Variants in CLEC19A observed in about 807,000 individuals in gnomAD.
CLEC19A encodes C-type lectin domain family 19 member A.
A neutral mutation model predicts 26.1 loss-of-function variants in CLEC19A; 21 were observed. The observed-to-expected ratio is 0.80, with a 90% confidence interval of 0.57 to 1.16. CLEC19A has a LOEUF of 1.16. CLEC19A is among the 50% of genes most tolerant of loss of function. CLEC19A has a pLI of 0.00. For missense variants in CLEC19A, 224 were observed against 227.6 expected, an observed-to-expected ratio of 0.98 and a Z score of 0.10; for synonymous variants, 89 against 88.6, an observed-to-expected ratio of 1.00 and a Z score of -0.03.
intron 4 of CLEC19A, among the ~76,000 whole-genome samples, chr16:19,308,417 T>A (rs1294897398): frequency 6.6e-6 from 1 of 152,182 alleles, no homozygotes; most frequent in East Asian, 1.9e-4. Flanking sequence ...CACAGGTTAA[T>A]GTGAATAAAA....
intron 2 of CLEC19A, 175 bp from the exon 3 acceptor site, chr16:19,303,887 G>T: frequency 1.8e-6 from 1 of 559,696 alleles, no homozygotes; most frequent in Non-Finnish European, 3.2e-6. Flanking sequence ...ATCCAGAGAT[G>T]CCCATGTAGG....
Position 19,298,708 on chromosome 16 carries a change from C to T in CLEC19A, c.124C>T (p.Leu42=). The change falls in exon 2 of 5, where the codon CTG becomes TTG. Residue 42 remains leucine (L), a synonymous_variant. Transcript: ENST00000636231. ...PELPLPSLCP[L]FWMEFKGHCY... is the part of the protein sequence containing the mutation. ...GCTGCCCCTGCCTTCCCTGTGCCCC[C>T]TGTTCTGGATGGAGTTCAAAGGCCA... 6.4e-7 allele frequency: 1 copy of T among 1,551,222 alleles called. No homozygotes were observed.
intron 3 of CLEC19A, chr16:19,304,364 G>A (rs1897904992): frequency 4.9e-6 from 2 of 411,902 alleles, no homozygotes; most frequent in Non-Finnish European, 8.8e-6. Context: ...AGATAGCATG[G>A]TCAGAGAAAA....
At chr16:19,298,868 C>T in intron 2 of CLEC19A, 30 bp downstream of exon 2, 1 of 1,532,078 alleles carries the variant, frequency 6.5e-7, no homozygotes, top group Non-Finnish European at 8.8e-7. Context: ...CCCCATAGTT[C>T]AACTAAGCAC....
chr16:19,298,638 A>G lies in CLEC19A; in HGVS notation c.89-35A>G, dbSNP rs565758524. Reference sequence around the variant, plus strand: ...TATGGAAACAATGTCAGCACTGCCAACCTTCCTCCCAGTCTGTTTCCTTTC... The same window carrying G: ...TATGGAAACAATGTCAGCACTGCCAGCCTTCCTCCCAGTCTGTTTCCTTTC... On this transcript the variant is annotated intron_variant, in intron 1 of 4. Coordinates refer to ENST00000636231, the MANE Select transcript of CLEC19A (RefSeq NM_001256720.2). The G allele has an allele frequency of 5.8e-6, 9 of 1,547,288 alleles. No individual in the cohort carries two copies. The African/African-American group carries it at 8.2e-5, about 14-fold the overall frequency.
rs1275872828 is a variant in CLEC19A, at chr16:19,304,107, T to A, written c.300T>A (p.Val100=). The change falls in exon 3 of 5, where the codon GTT becomes GTA. Residue 100 remains valine, a synonymous_variant. Coordinates refer to ENST00000636231, the MANE Select transcript of CLEC19A (RefSeq NM_001256720.2). ...VFVYDLVNSC[V]PGIPADVWTG... ...TATATGACCTCGTGAACAGCTGTGTTCCCGGCATCCCAGCTGACGTCTGGA... is the reference window on the plus strand; with the variant it reads ...TATATGACCTCGTGAACAGCTGTGTACCCGGCATCCCAGCTGACGTCTGGA... 1.4e-5 allele frequency: 21 copies of A among 1,550,580 alleles called. No homozygotes were observed. Among genetic ancestry groups the A allele is most frequent in the Non-Finnish European group, 1.8e-5 (21 of 1,146,968 alleles).
At chr16:19,308,799 A>G (rs1898008052) in intron 4 of CLEC19A, among the ~76,000 whole-genome samples, 1 of 152,188 alleles carries the variant, frequency 6.6e-6, no homozygotes, top group Admixed American at 6.6e-5. Context: ...GCTGAAGTTC[A>G]TCCTCCCATC....
Position 19,298,897 on chromosome 16 carries a change from G to A in CLEC19A, c.254+59G>A, listed in dbSNP as rs201226053. The A allele has an allele frequency of 1.8e-3, 2,554 of 1,454,368 alleles. 2 individuals carry two copies. The highest frequency in any genetic ancestry group is 2.2e-3 in the Non-Finnish European group (2,344 of 1,088,326). 90.1% of individuals were successfully genotyped at this position (1,454,368 alleles called of 1,614,324 possible). On this transcript the variant is annotated intron_variant, in intron 2 of 4. Transcript: ENST00000636231. ...TAAGCACCCCCTTGGGAAATGGGGT[G>A]GAGAATGGTATTTCCAACTGGCATT... is the stretch of plus-strand genomic sequence containing the variant.
chr16:19,300,998 A>G (rs1371710893), intron 2 of CLEC19A, among the ~76,000 whole-genome samples: 5 of 152,244 alleles, frequency 3.3e-5, no homozygotes, highest in Admixed American at 1.3e-4. Flanking sequence ...ATGGAGCCCT[A>G]TGAAAGGCAT....
At chr16:19,294,439 G>A (rs923965978) in intron 1 of CLEC19A, among the ~76,000 whole-genome samples, 1 of 152,244 alleles carries the variant, frequency 6.6e-6, no homozygotes, top group African/African-American at 2.4e-5. Flanking sequence ...ACACCCACGT[G>A]GGGTAGGAGG....
rs533659407 is a variant in CLEC19A, at chr16:19,309,935, C to A, written c.*852C>A. 6.6e-6 allele frequency: 1 copy of A among 152,070 alleles called. No individual in the cohort carries two copies. Among genetic ancestry groups the A allele is most frequent in the Non-Finnish European group, 1.5e-5 (1 of 68,042 alleles). The allele number at this position is 152,070 out of a possible 1,614,324, so 9.4% of individuals were successfully genotyped here. On this transcript the variant is annotated 3_prime_UTR_variant, in exon 5 of 5. Coordinates refer to ENST00000636231, the MANE Select transcript of CLEC19A (RefSeq NM_001256720.2). ...CTGGGATTACAGGCATGAGCCACTG[C>A]GCCTAGCCAAGAATACATCTTAAAT...
At chr16:19,298,480 T>C (rs1897750779) in intron 1 of CLEC19A, among the ~76,000 whole-genome samples, 193 bp from the exon 2 acceptor site, 1 of 151,864 alleles carries the variant, frequency 6.6e-6, no homozygotes, top group Non-Finnish European at 1.5e-5. Context: ...GGTGGGAGTA[T>C]CACTTGAGCT....
At chr16:19,307,412 G>A (rs1897979715) in intron 3 of CLEC19A, 133 bp from the exon 4 acceptor site, 3 of 922,060 alleles carry the variant, frequency 3.3e-6, no homozygotes, top group Admixed American at 5.2e-5. Flanking sequence ...GATAGCAGTA[G>A]CCTCAATGAA....
intron 1 of CLEC19A, among the ~76,000 whole-genome samples, chr16:19,297,150 CA>C (rs1897722079): frequency 6.6e-6 from 1 of 152,152 alleles, no homozygotes; most frequent in Non-Finnish European, 1.5e-5. Context: ...TTTACTGTCT[CA>C]AACATGGGGT....
chr16:19,297,535 C>T (rs1284100129), intron 1 of CLEC19A, among the ~76,000 whole-genome samples: 1 of 152,098 alleles, frequency 6.6e-6, no homozygotes, highest in Non-Finnish European at 1.5e-5. Flanking sequence ...AACTGCTCAT[C>T]TCAGAATTAT....
Position 19,307,568 on chromosome 16 carries a change from T to G in CLEC19A, c.372T>G (p.Asp124Glu), listed in dbSNP as rs1239446461. Residue 124 changes from aspartate to glutamate, a missense_variant, in exon 4 of 5, where the codon GAT becomes GAG. Asp to Glu is a conservative substitution (Grantham distance 45). Coordinates refer to ENST00000636231, the MANE Select transcript of CLEC19A (RefSeq NM_001256720.2). Reference protein sequence around the residue: ...HRQEGQFEWTDGSSYDYSYWD... With the variant: ...HRQEGQFEWTEGSSYDYSYWD... ...AGGAAGGGCAGTTTGAATGGACTGA[T>G]GGCTCATCCTATGACTACAGCTACT... 6.5e-7 allele frequency: 1 copy of G among 1,548,242 alleles called. No individual in the cohort carries two copies. The highest frequency in any genetic ancestry group is 8.7e-7 in the Non-Finnish European group (1 of 1,146,784).
chr16:19,287,020 TC>T (rs1897484525), intron 1 of CLEC19A, among the ~76,000 whole-genome samples: 4 of 133,594 alleles, frequency 3.0e-5, no homozygotes, highest in Non-Finnish European at 4.8e-5. Context: ...TAGGTATCCT[TC>T]TTTTTTTTTT....
At chr16:19,304,199 A>G in intron 3 of CLEC19A, 44 bp downstream of exon 3, 1 of 1,487,458 alleles carries the variant, frequency 6.7e-7, no homozygotes, top group African/African-American at 1.4e-5. Context: ...AGCTCCAGCC[A>G]GGATTCTATT....
chr16:19,307,264 G>A (rs921836171), intron 3 of CLEC19A, among the ~76,000 whole-genome samples: 3 of 152,174 alleles, frequency 2.0e-5, no homozygotes, highest in Non-Finnish European at 4.4e-5. Context: ...TCTGTAAAAT[G>A]GGGCTGATGA....
Sources: gnomAD v4.1 joint callset for allele counts (sites outside exome capture counted in the v4.1 genomes callset) on GRCh38, gnomAD v4.1.1 for gene constraint, MANE v1.5 for transcripts, NCBI Gene and HGNC (gene_info 2026-07-23, HGNC 2026-07-21) for gene names.